MPND: variants seen among roughly 807,000 people sequenced by gnomAD.
MPND encodes the protein MPN domain-containing protein.
In MPND, 56 loss-of-function variants were observed where a neutral mutation model predicts 59.2. That is an observed-to-expected ratio of 0.95 (90% CI 0.76 to 1.18). The LOEUF (loss-of-function observed/expected upper bound fraction) is 1.18, where lower values mean the gene tolerates loss of function less well. MPND is among the 50% of genes most tolerant of loss of function. The pLI is 0.00. For missense variants in MPND, 671 were observed against 676.0 expected (o/e 0.99, Z 0.08); for synonymous variants, 323 against 291.9 (o/e 1.11, Z -1.09).
At chr19:4,343,624 A>AGGCGCGG (rs997705748) in intron 1 of MPND, 24 bp downstream of exon 1, 19 of 822,364 alleles carry the variant, frequency 2.3e-5, no homozygotes, top group Admixed American at 1.2e-4. Flanking sequence ...AGCGGGGCGG[A>AGGCGCGG]GGCGCGGGGC....
chr19:4,347,694 A>G (rs952767803), intron 3 of MPND: 35 of 542,194 alleles, frequency 6.5e-5, no homozygotes, highest in Middle Eastern at 1.3e-3. Flanking sequence ...AGGAAATTCT[A>G]CTCATTGCAA....
intron 11 of MPND, 133 bp from the exon 12 acceptor site, chr19:4,359,030 T>A (rs1972512581): frequency 4.8e-6 from 3 of 623,154 alleles, no homozygotes; most frequent in Admixed American, 5.2e-5. Flanking sequence ...AGGTCACTCG[T>A]GATCTCTTTG....
rs907896435 is a variant in MPND, at chr19:4,351,633, T to C, written c.532-1264T>C. ...ATCCCAGCACTTTGGGTGGCCGAGA[T>C]GGGCAAATCACAAGGTCAGACGATC... On this transcript the variant is annotated intron_variant, in intron 3 of 12. Coordinates refer to ENST00000599840, the MANE Select transcript of MPND (RefSeq NM_001300862.2). Among the ~76,000 whole-genome samples, 220 of 147,164 alleles carry C rather than the reference T, an allele frequency of 1.5e-3. 1 individual carries two copies. The highest frequency in any genetic ancestry group is 5.3e-3 in the African/African-American group (212 of 39,764).
At position 4,354,068 on chromosome 19, in the gene MPND, G is replaced by A; in HGVS notation, c.688G>A (p.Val230Met). The change falls in exon 5 of 13, where the codon GTG becomes ATG. Residue 230 changes from valine to methionine, a missense_variant. Val to Met is a conservative substitution (Grantham distance 21). Coordinates refer to ENST00000599840, the MANE Select transcript of MPND (RefSeq NM_001300862.2). ...HPEATTPGKR[V>M]DSKIRVPVRY... ...AGAGGCCACAACCCCAGGGAAGCGGGTGGACAGCAAGATCCGGGTTCCGGT... is the reference window on the plus strand; with the variant it reads ...AGAGGCCACAACCCCAGGGAAGCGGATGGACAGCAAGATCCGGGTTCCGGT... 1.2e-6 allele frequency: 2 copies of A among 1,613,398 alleles called. No homozygotes were observed. The highest frequency in any genetic ancestry group is 1.7e-6 in the Non-Finnish European group (2 of 1,179,406).
chr19:4,356,538 C>G (rs1180853118), intron 8 of MPND: 4 of 152,262 alleles, frequency 2.6e-5, no homozygotes, highest in Middle Eastern at 3.4e-3. Context: ...GAGCAAGACC[C>G]TATATCTAAG....
At chr19:4,356,606 A>T (rs1453637793) in intron 8 of MPND, 1 of 152,006 alleles carries the variant, frequency 6.6e-6, no homozygotes, top group Non-Finnish European at 1.5e-5. Flanking sequence ...CTCATCTATT[A>T]AACACTACTC....
At chr19:4,355,217 AG>A (rs749234250) in intron 8 of MPND, 44 bp downstream of exon 8, 1 of 1,599,800 alleles carries the variant, frequency 6.3e-7, no homozygotes, top group Non-Finnish European at 8.5e-7. Flanking sequence ...AGGGTTGGGA[AG>A]GGACATAGCT....
intron 1 of MPND, 40 bp from the exon 2 acceptor site, chr19:4,343,668 T>TGCA (rs1972118778): frequency 2.2e-5 from 18 of 807,026 alleles, no homozygotes; most frequent in Non-Finnish European, 2.8e-5. Context: ...TGCAGAGCCG[T>TGCA]GGGGCGAGCG....
intron 3 of MPND, chr19:4,349,033 G>A (rs1395127944): frequency 9.2e-6 from 2 of 216,466 alleles, no homozygotes; most frequent in South Asian, 7.9e-5. Flanking sequence ...TCAGCAGAGG[G>A]GTTGAAAGAG....
intron 3 of MPND, 56 bp downstream of exon 3, chr19:4,346,037 G>A (rs1972180308): frequency 1.4e-6 from 2 of 1,438,314 alleles, no homozygotes; most frequent in Non-Finnish European, 1.9e-6. Context: ...AATGAGGGGT[G>A]CCCAGCCTGG....
Position 4,343,923 on chromosome 19 carries a change from G to A in MPND, c.223G>A (p.Val75Ile). Reference sequence around the variant, plus strand: ...CGGGGGCGCGCTCACCAGGCGCGCGGTCACACTGCGGGTGCTCCTCAAAGA... The same window carrying A: ...CGGGGGCGCGCTCACCAGGCGCGCGATCACACTGCGGGTGCTCCTCAAAGA... Reference protein sequence around the residue: ...GPGGALTRRAVTLRVLLKDAL... With the variant: ...GPGGALTRRAITLRVLLKDAL... The change falls in exon 2 of 13, where the codon GTC becomes ATC. Residue 75 changes from valine to isoleucine, a missense_variant. By Grantham distance (29) the Val-to-Ile change is conservative. Coordinates refer to ENST00000599840, the MANE Select transcript of MPND (RefSeq NM_001300862.2). 2 of 1,315,372 alleles carry A rather than the reference G, an allele frequency of 1.5e-6. No homozygotes were observed. Among genetic ancestry groups the A allele is most frequent in the South Asian group, 4.5e-5 (2 of 44,134 alleles). 81.5% of individuals were successfully genotyped at this position (1,315,372 alleles called of 1,614,324 possible).
At chr19:4,357,786 T>G in intron 10 of MPND, 1 of 623,294 alleles carries the variant, frequency 1.6e-6, no homozygotes, top group South Asian at 2.0e-5. Context: ...TGTCATTGGC[T>G]GCTCAGTACA....
Position 4,358,237 on chromosome 19 carries a change from G to C in MPND, c.1326+65G>C, listed in dbSNP as rs377264342. 1.8e-4 allele frequency: 257 copies of C among 1,408,274 alleles called. No individual in the cohort carries two copies. In the African/African-American group the frequency reaches 3.2e-3, roughly 18 times the overall value. 87.2% of individuals were successfully genotyped at this position (1,408,274 alleles called of 1,614,324 possible). A position where few individuals can be genotyped will look rare whatever the true frequency, so the allele number is the denominator to read the frequency against. On this transcript the variant is annotated intron_variant, in intron 11 of 12. Transcript: ENST00000599840. ...GCGCAGCTGGGCACACGATGCGTTGGTCTGCTTCCCACCGGTGGGCTTGGG... is the reference window on the plus strand; with the variant it reads ...GCGCAGCTGGGCACACGATGCGTTGCTCTGCTTCCCACCGGTGGGCTTGGG...
At position 4,360,060 on chromosome 19, in the gene MPND, TAAAG is replaced by T. The variant is rs956431438; in HGVS notation, c.*62_*65del. The T allele has an allele frequency of 2.1e-5, 31 of 1,455,378 alleles. No individual in the cohort carries two copies. The highest frequency in any genetic ancestry group is 3.5e-4 in the Middle Eastern group (2 of 5,760). 90.2% of individuals were successfully genotyped at this position (1,455,378 alleles called of 1,614,324 possible). A position where few individuals can be genotyped will look rare whatever the true frequency, so the allele number is the denominator to read the frequency against. ...TGAGGGTCCGGATGGGCTCAGGTAA[TAAAG>T]AAACGGAAGCAGCAGCCAGCCACGC... On this transcript the variant is annotated 3_prime_UTR_variant, in exon 13 of 13. Transcript: ENST00000599840.
intron 11 of MPND, 21 bp from the exon 12 acceptor site, chr19:4,359,142 C>T (rs1021845137): frequency 2.5e-6 from 4 of 1,588,992 alleles, no homozygotes; most frequent in Non-Finnish European, 3.5e-6. Flanking sequence ...GCCTGGGAGT[C>T]CATGCTCCTC....
intron 8 of MPND, 36 bp downstream of exon 8, chr19:4,355,209 G>T: frequency 2.5e-6 from 4 of 1,604,714 alleles, no homozygotes; most frequent in Non-Finnish European, 3.4e-6. Context: ...TTCTGGGGAG[G>T]GTTGGGAAGG....
chr19:4,357,459 G>A (rs766792360), intron 9 of MPND, 38 bp downstream of exon 9: 2 of 1,609,652 alleles, frequency 1.2e-6, no homozygotes, highest in Non-Finnish European at 1.7e-6. Flanking sequence ...CAAGGAGGGG[G>A]GATGCTGGGC....
intron 3 of MPND, among the ~76,000 whole-genome samples, chr19:4,350,915 G>A (rs1466142509): frequency 3.9e-5 from 6 of 152,126 alleles, no homozygotes; most frequent in South Asian, 2.1e-4. Flanking sequence ...CAGCAACAGC[G>A]AGAGGGGAGG....
Position 4,355,336 on chromosome 19 carries a change from C to CT in MPND, c.996+180dup, listed in dbSNP as rs3048292. 1.1e-3 allele frequency among the ~76,000 whole-genome samples: 142 copies of CT among 124,428 alleles called. 2 individuals are homozygous for CT. The highest frequency in any genetic ancestry group is 2.6e-3 in the African/African-American group (85 of 32,090). 81.6% of individuals were successfully genotyped at this position (124,428 alleles called of 152,430 possible). On this transcript the variant is annotated intron_variant, in intron 8 of 12. Transcript: ENST00000599840. ...CCATGGTGAAGGGTGAAGAACACTG[C>CT]TTTTTTTTTTTTTTTTTGAGACGGA... is the stretch of plus-strand genomic sequence containing the variant.
Sources: gnomAD v4.1 joint callset for allele counts (sites outside exome capture counted in the v4.1 genomes callset) on GRCh38, gnomAD v4.1.1 for gene constraint, MANE v1.5 for transcripts, NCBI Gene and HGNC (gene_info 2026-07-23, HGNC 2026-07-21) for gene names.